Variants in GRK5 observed in about 807,000 individuals in gnomAD.
GRK5 encodes G protein-coupled receptor kinase 5.
Under a neutral mutation model 78.4 loss-of-function variants are expected in GRK5, and 40 were observed. That is an observed-to-expected ratio of 0.51 (90% confidence interval 0.40 to 0.66). The LOEUF is 0.66. Among genes scored for constraint, GRK5 ranks in the 30% least tolerant of loss-of-function variants. GRK5 has a pLI of 0.00. For synonymous variants in GRK5, 289 were observed against 296.8 expected (o/e 0.97, Z 0.27); for missense variants, 598 against 759.9 (o/e 0.79, Z 2.50).
intron 1 of GRK5, among the ~76,000 whole-genome samples, chr10:119,320,569 AC>A (rs1353954253): frequency 6.6e-6 from 1 of 152,214 alleles, no homozygotes; most frequent in Non-Finnish European, 1.5e-5. Flanking sequence ...CTGCTTCACA[AC>A]CGAGCTCAGA....
intron 1 of GRK5, among the ~76,000 whole-genome samples, chr10:119,231,427 C>T (rs1354041109): frequency 7.2e-5 from 11 of 151,908 alleles, no homozygotes; most frequent in South Asian, 2.1e-4. Flanking sequence ...GTGCTGAGGC[C>T]GGGTGCAGTG....
intron 1 of GRK5, among the ~76,000 whole-genome samples, chr10:119,216,905 G>A (rs1398068356): frequency 6.6e-6 from 1 of 151,820 alleles, no homozygotes; most frequent in Non-Finnish European, 1.5e-5. Flanking sequence ...CTCCAGCCTG[G>A]GTAACAGCGA....
intron 4 of GRK5, among the ~76,000 whole-genome samples, chr10:119,411,483 G>A (rs1852335460): frequency 6.6e-6 from 1 of 152,190 alleles, no homozygotes; most frequent in African/African-American, 2.4e-5. Flanking sequence ...GGGCCCTGGA[G>A]AGGCCCCTTT....
intron 9 of GRK5, among the ~76,000 whole-genome samples, chr10:119,438,784 C>T (rs371575351): frequency 1.2e-3 from 177 of 152,312 alleles, no homozygotes; most frequent in African/African-American, 4.1e-3. Context: ...GGCTGCTGCC[C>T]TTATTTGGAA....
chr10:119,264,853 G>A lies in GRK5; in HGVS notation c.52+56884G>A, dbSNP rs528418311. On this transcript the variant is annotated intron_variant, in intron 1 of 15. Coordinates refer to ENST00000392870, the MANE Select transcript of GRK5 (RefSeq NM_005308.3). The surrounding 1 kb of genome is among the most constrained non-coding windows in gnomAD (Gnocchi z 4.1). ...GTGCCCTGAGTAGCCTTGGCATGAC[G>A]TGCCTCACTGTCATCTGACCAATGA... Among the ~76,000 whole-genome samples, 5 of 152,308 alleles carry A rather than the reference G, an allele frequency of 3.3e-5. No individual in the cohort carries two copies. Among genetic ancestry groups the A allele is most frequent in the East Asian group, 1.9e-4 (1 of 5,186 alleles).
At chr10:119,218,074 TTG>T (rs59742803) in intron 1 of GRK5, among the ~76,000 whole-genome samples, 320 of 145,732 alleles carry the variant, frequency 2.2e-3, no homozygotes, top group East Asian at 5.5e-3. Flanking sequence ...GTCAACCCGT[TTG>T]TGTGTGTGTG....
intron 6 of GRK5, among the ~76,000 whole-genome samples, chr10:119,426,725 C>T (rs1393753673): frequency 1.3e-5 from 2 of 151,884 alleles, no homozygotes; most frequent in African/African-American, 4.8e-5. Context: ...TATCCCACCG[C>T]CATCATCAGC....
intron 1 of GRK5, among the ~76,000 whole-genome samples, chr10:119,230,248 G>A (rs1436795233): frequency 1.3e-5 from 2 of 152,144 alleles, no homozygotes; most frequent in African/African-American, 2.4e-5. Context: ...CACTTTGGGA[G>A]GCCAAAGTGG....
At chr10:119,215,704 C>T (rs1055547277) in intron 1 of GRK5, among the ~76,000 whole-genome samples, 3 of 152,026 alleles carry the variant, frequency 2.0e-5, no homozygotes, top group Non-Finnish European at 4.4e-5. Flanking sequence ...GGGAAATTTG[C>T]CTAAATTGAG....
In GRK5 at chr10:119,454,950, C is replaced by T. The variant is rs201113991; in HGVS notation, c.1675-19C>T. 6.2e-4 allele frequency: 968 copies of T among 1,563,276 alleles called. 7 individuals carry two copies. Among genetic ancestry groups the T allele is most frequent in the Non-Finnish European group, 3.4e-4 (390 of 1,134,866 alleles). ...GACTTCTGTTCTCTCCACCCCGTCT[C>T]CCCCAACCCCAACCCCAGCATCAGA... On this transcript the variant is annotated intron_variant, in intron 15 of 15. Transcript: ENST00000392870.
chr10:119,451,005 C>T (rs1378604642), intron 13 of GRK5, among the ~76,000 whole-genome samples: 3 of 83,814 alleles, frequency 3.6e-5, no homozygotes, highest in Non-Finnish European at 7.1e-5. Flanking sequence ...TCCCTGCCAG[C>T]CCCCCACAGT....
intron 2 of GRK5, chr10:119,334,961 C>T (rs1334395007): frequency 6.6e-6 from 1 of 152,100 alleles, no homozygotes; most frequent in African/African-American, 2.4e-5. Context: ...TAACTGTTTC[C>T]AGGAGCAGAA....
At chr10:119,272,575 C>CAA (rs34489675) in intron 1 of GRK5, among the ~76,000 whole-genome samples, 2 of 97,466 alleles carry the variant, frequency 2.1e-5, no homozygotes, top group South Asian at 4.3e-4. Flanking sequence ...GATTCTATCT[C>CAA]AAAAAAAAAA....
chr10:119,355,108 T>C (rs1169806899), intron 2 of GRK5, among the ~76,000 whole-genome samples: 1 of 152,232 alleles, frequency 6.6e-6, no homozygotes, highest in Non-Finnish European at 1.5e-5. Flanking sequence ...TATACTGTAT[T>C]GTTTAGGGAA....
intron 3 of GRK5, among the ~76,000 whole-genome samples, chr10:119,393,790 ATACC>A (rs1159273311): frequency 2.6e-5 from 4 of 152,204 alleles, no homozygotes; most frequent in African/African-American, 9.7e-5. Context: ...GGGACTAATA[ATACC>A]TACCATGTAG....
At chr10:119,296,244 T>C (rs1589728424) in intron 1 of GRK5, among the ~76,000 whole-genome samples, 1 of 152,212 alleles carries the variant, frequency 6.6e-6, no homozygotes, top group African/African-American at 2.4e-5. Flanking sequence ...ATTTAGATGC[T>C]CAGCTGAAGA....
chr10:119,325,743 A>G (rs551237113), intron 1 of GRK5, among the ~76,000 whole-genome samples: 1 of 152,270 alleles, frequency 6.6e-6, no homozygotes, highest in East Asian at 1.9e-4. Flanking sequence ...GCACCCTGAC[A>G]CCTGTCCATC....
At chr10:119,423,691 G>A (rs1000323748) in intron 5 of GRK5, among the ~76,000 whole-genome samples, 13 of 152,148 alleles carry the variant, frequency 8.5e-5, no homozygotes, top group African/African-American at 3.1e-4. Context: ...CAAGTCGATG[G>A]CCATGCTGCC....
intron 1 of GRK5, among the ~76,000 whole-genome samples, chr10:119,306,574 G>C (rs1387923567): frequency 6.6e-6 from 1 of 152,150 alleles, no homozygotes; most frequent in East Asian, 1.9e-4. Flanking sequence ...CCGGGGTCCT[G>C]GCTGACACTT....
Sources: gnomAD v4.1 joint callset for allele counts (sites outside exome capture counted in the v4.1 genomes callset) on GRCh38, gnomAD v4.1.1 for gene constraint, Gnocchi (gnomAD v3.1) non-coding constraint, MANE v1.5 for transcripts, NCBI Gene and HGNC (gene_info 2026-07-23, HGNC 2026-07-21) for gene names.